The following CACNA1C variants were observed in gnomAD, a reference collection of about 807,000 sequenced individuals.
CACNA1C encodes voltage-dependent L-type calcium channel subunit alpha-1C.
A neutral mutation model predicts 229.0 loss-of-function variants in CACNA1C; 30 were observed. That is an observed-to-expected ratio of 0.13 (90% confidence interval 0.10 to 0.18). The LOEUF (loss-of-function observed/expected upper bound fraction) is 0.18, where lower values mean the gene tolerates loss of function less well. CACNA1C is among the 10% of genes least tolerant of loss of function. The pLI is 1.00. For synonymous variants in CACNA1C, 1,114 were observed against 1,132.5 expected (o/e 0.98, Z 0.33); for missense variants, 1,658 against 2,845.0 (o/e 0.58, Z 9.49).
chr12:2,408,840 G>A (rs1284382274), intron 3 of CACNA1C, among the ~76,000 whole-genome samples: 1 of 152,106 alleles, frequency 6.6e-6, no homozygotes, highest in East Asian at 1.9e-4. Flanking sequence ...CATTTTCATG[G>A]AAAAGGACTC....
rs74053495 is a variant in CACNA1C, at chr12:2,519,671, C to T, written c.1390+6687C>T. Among the ~76,000 whole-genome samples the T allele has an allele frequency of 1.0e-2, 1,522 of 152,244 alleles. 17 individuals carry two copies. Among genetic ancestry groups the T allele is most frequent in the African/African-American group, 0.035 (1,438 of 41,534 alleles). On this transcript the variant is annotated intron_variant, in intron 9 of 46. Transcript: ENST00000399655. ...TGCTGTTCCCTGAAGACCATGGTGG[C>T]TAGTGGGGCTGTGTACTGGGGCTCT...
At chr12:2,484,943 T>C (rs1231210916) in intron 5 of CACNA1C, among the ~76,000 whole-genome samples, 3 of 150,702 alleles carry the variant, frequency 2.0e-5, no homozygotes, top group Non-Finnish European at 4.4e-5. Context: ...CTTGGCTTAA[T>C]AGCTGGGAAG....
At chr12:2,616,565 G>A (rs888078178) in intron 29 of CACNA1C, among the ~76,000 whole-genome samples, 2 of 152,270 alleles carry the variant, frequency 1.3e-5, no homozygotes, top group African/African-American at 4.8e-5. Flanking sequence ...AAGGCAGCAA[G>A]CGCAGGTGAG....
At chr12:2,193,993 G>A (rs2097320824) in intron 3 of CACNA1C, among the ~76,000 whole-genome samples, 1 of 152,072 alleles carries the variant, frequency 6.6e-6, no homozygotes, top group Admixed American at 6.5e-5. Context: ...GTGAACCTCA[G>A]TGTTTATTCC....
chr12:2,293,463 C>T (rs137897013), intron 3 of CACNA1C, among the ~76,000 whole-genome samples: 1,572 of 152,360 alleles, frequency 0.01, 23 homozygotes, highest in African/African-American at 0.036. Flanking sequence ...CTAGAGCAGG[C>T]TTGTCCATCC....
At chr12:2,088,767 G>A (rs1350358892) in intron 1 of CACNA1C, among the ~76,000 whole-genome samples, 1 of 152,040 alleles carries the variant, frequency 6.6e-6, no homozygotes, top group East Asian at 1.9e-4. Context: ...ACTGTCCTCG[G>A]GTGGGCTCAG....
intron 3 of CACNA1C, among the ~76,000 whole-genome samples, chr12:2,331,360 A>G (rs1419581540): frequency 6.6e-6 from 1 of 152,232 alleles, no homozygotes; most frequent in Non-Finnish European, 1.5e-5. Context: ...ATGTGAGTCT[A>G]GCATCTAGAT....
intron 3 of CACNA1C, among the ~76,000 whole-genome samples, chr12:2,230,068 G>C (rs1215637337): frequency 6.6e-6 from 1 of 152,202 alleles, no homozygotes; most frequent in African/African-American, 2.4e-5. Flanking sequence ...CAGGTTAGAG[G>C]CGGAAGGGGA....
intron 3 of CACNA1C, among the ~76,000 whole-genome samples, chr12:2,345,336 G>C (rs2096981918): frequency 6.6e-6 from 1 of 151,920 alleles, no homozygotes; most frequent in African/African-American, 2.4e-5. Flanking sequence ...ATTGGTAGCT[G>C]GATTGCGAAG....
chr12:2,645,336 C>G (rs756037938), intron 30 of CACNA1C, among the ~76,000 whole-genome samples: 24 of 152,232 alleles, frequency 1.6e-4, no homozygotes, highest in Non-Finnish European at 2.8e-4. Context: ...AGGGCACCGG[C>G]AGCAAATCTG....
chr12:2,241,077 A>T (rs140677966), intron 3 of CACNA1C, among the ~76,000 whole-genome samples: 1 of 152,130 alleles, frequency 6.6e-6, no homozygotes, highest in Non-Finnish European at 1.5e-5. Context: ...GTACGAGGTG[A>T]GGGGGGTGGG....
In CACNA1C at chr12:2,680,098, G is replaced by A. The variant is rs907279276; in HGVS notation, c.5444+302G>A. ...TGTGATCATCAGATGTTTGTGTTCC[G>A]GCTTCACAACAGAAACCATCCCGTC... On this transcript the variant is annotated intron_variant, in intron 42 of 46. Coordinates refer to ENST00000399655, the MANE Select transcript of CACNA1C (RefSeq NM_000719.7). Among the ~76,000 whole-genome samples, 9 of 152,150 alleles carry A rather than the reference G, an allele frequency of 5.9e-5. No homozygotes were observed. The highest frequency in any genetic ancestry group is 1.9e-4 in the East Asian group (1 of 5,186).
chr12:2,242,378 T>C (rs946519753), intron 3 of CACNA1C, among the ~76,000 whole-genome samples: 3 of 152,058 alleles, frequency 2.0e-5, no homozygotes, highest in South Asian at 2.1e-4. Context: ...GGAGGAACAA[T>C]GGGGGACCAG....
At chr12:2,202,387 T>A (rs2097605409) in intron 3 of CACNA1C, among the ~76,000 whole-genome samples, 1 of 152,228 alleles carries the variant, frequency 6.6e-6, no homozygotes, top group African/African-American at 2.4e-5. Context: ...ATCAATGCTA[T>A]TGTACACGTT....
At chr12:2,540,032 G>A (rs868132865) in intron 9 of CACNA1C, among the ~76,000 whole-genome samples, 1 of 152,154 alleles carries the variant, frequency 6.6e-6, no homozygotes, top group African/African-American at 2.4e-5. Flanking sequence ...CAGACATGTG[G>A]CCTTGGGCAG....
At chr12:2,417,821 C>G (rs1249513941) in intron 3 of CACNA1C, among the ~76,000 whole-genome samples, 7 of 152,212 alleles carry the variant, frequency 4.6e-5, no homozygotes, top group African/African-American at 9.6e-5. Flanking sequence ...CCAATTCCCC[C>G]CTGCAGGTGG....
intron 29 of CACNA1C, among the ~76,000 whole-genome samples, chr12:2,622,715 G>A (rs2083972422): frequency 1.3e-5 from 2 of 152,220 alleles, no homozygotes; most frequent in Admixed American, 6.5e-5. Flanking sequence ...CAATGCTGAA[G>A]CTAGGGACAG....
chr12:2,061,114 A>G (rs1044588866), intron 1 of CACNA1C, among the ~76,000 whole-genome samples: 7 of 147,930 alleles, frequency 4.7e-5, no homozygotes, highest in Non-Finnish European at 7.4e-5. Context: ...CTGAGAGTTC[A>G]GAAGGAATCA....
At chr12:2,394,876 G>A (rs760838268) in intron 3 of CACNA1C, among the ~76,000 whole-genome samples, 6 of 152,238 alleles carry the variant, frequency 3.9e-5, no homozygotes, top group Non-Finnish European at 8.8e-5. Flanking sequence ...ACCATAAGCT[G>A]TATCTGCAAA....
Sources: gnomAD v4.1 joint callset for allele counts (sites outside exome capture counted in the v4.1 genomes callset) on GRCh38, gnomAD v4.1.1 for gene constraint, MANE v1.5 for transcripts, NCBI Gene and HGNC (gene_info 2026-07-23, HGNC 2026-07-21) for gene names.